Variants in ANO3 observed in about 807,000 individuals in gnomAD.
ANO3 encodes the protein anoctamin-3.
Under a neutral mutation model 144.8 loss-of-function variants are expected in ANO3, and 99 were observed. The observed-to-expected ratio is 0.68, with a 90% CI of 0.58 to 0.81. The LOEUF (loss-of-function observed/expected upper bound fraction) is 0.81. ANO3 is among the 30% of genes least tolerant of loss of function. The probability of loss-of-function intolerance (pLI) is 0.00; values close to 1 mark genes in which losing one functional copy is unlikely to be tolerated. For missense variants in ANO3, 905 were observed against 1,202.2 expected (o/e 0.75, Z 3.66); for synonymous variants, 414 against 392.6 (o/e 1.05, Z -0.64).
chr11:26,359,587 T>C (rs771055043), intron 1 of ANO3, among the ~76,000 whole-genome samples: 72 of 150,974 alleles, frequency 4.8e-4, no homozygotes, highest in Admixed American at 2.3e-3. Flanking sequence ...CTGGTAACTC[T>C]ATCCTGCAAA....
At chr11:26,481,275 G>A (rs1390184038) in intron 4 of ANO3, among the ~76,000 whole-genome samples, 1 of 152,094 alleles carries the variant, frequency 6.6e-6, no homozygotes, top group Non-Finnish European at 1.5e-5. Context: ...GGAAAGGAGA[G>A]ATGATAAAAA....
intron 4 of ANO3, among the ~76,000 whole-genome samples, chr11:26,499,936 C>A (rs1354844479): frequency 6.6e-6 from 1 of 151,844 alleles, no homozygotes; most frequent in African/African-American, 2.4e-5. Flanking sequence ...AGAAAGAAAC[C>A]CTGTACCTGT....
rs377447870 is a variant in ANO3 at position 26,297,184 on chromosome 11, CGTGT to C, written c.155-12437_155-12434del. On this transcript the variant is annotated intron_variant, in intron 1 of 27. Coordinates refer to the ANO3 transcript ENST00000672621. ...ACATCCCAAGCTGCATCAACCATTG[CGTGT>C]GTGTGTGTGTGTGTGTGTGTGTGAA... Among the ~76,000 whole-genome samples, 48 of 146,414 alleles carry C rather than the reference CGTGT, an allele frequency of 3.3e-4. No homozygotes were observed. The South Asian group carries it at 4.2e-3, about 13-fold the overall frequency.
intron 1 of ANO3, among the ~76,000 whole-genome samples, chr11:26,356,448 C>T (rs1278096831): frequency 6.6e-6 from 1 of 152,174 alleles, no homozygotes; most frequent in Non-Finnish European, 1.5e-5. Flanking sequence ...ATGCTTCTGT[C>T]ACTATAGATT....
chr11:26,596,045 T>C (rs775270264), intron 14 of ANO3, among the ~76,000 whole-genome samples: 5 of 152,226 alleles, frequency 3.3e-5, no homozygotes, highest in Non-Finnish European at 7.3e-5. Flanking sequence ...CTTGTTTACA[T>C]TGACAACAAG....
At chr11:26,620,007 T>C (rs1852370509) in intron 17 of ANO3, among the ~76,000 whole-genome samples, 1 of 152,198 alleles carries the variant, frequency 6.6e-6, no homozygotes, top group East Asian at 1.9e-4. Context: ...AACATCAATG[T>C]ATTATTTTTA....
intron 1 of ANO3, among the ~76,000 whole-genome samples, chr11:26,392,992 T>C (rs1176294932): frequency 6.6e-6 from 1 of 152,152 alleles, no homozygotes. Flanking sequence ...CTAAATCCAG[T>C]ATCCATATCT....
chr11:26,384,905 C>T (rs1856683989), intron 1 of ANO3, among the ~76,000 whole-genome samples: 1 of 152,142 alleles, frequency 6.6e-6, no homozygotes, highest in African/African-American at 2.4e-5. Flanking sequence ...GAACATTTAC[C>T]TTGGCAATTC....
chr11:26,504,870 G>A (rs1861355489), intron 4 of ANO3, among the ~76,000 whole-genome samples: 1 of 151,948 alleles, frequency 6.6e-6, no homozygotes, highest in East Asian at 1.9e-4. Context: ...AAATTAGCCG[G>A]GCGTGGTGGC....
At position 26,263,268 on chromosome 11, in the gene ANO3, T is replaced by C. The variant is rs1298661358; in HGVS notation, c.155-46377T>C. 1.3e-5 allele frequency among the ~76,000 whole-genome samples: 2 copies of C among 152,216 alleles called. 1 individual carries two copies. The highest frequency in any genetic ancestry group is 3.8e-4 in the East Asian group (2 of 5,200). ...AATGAGTCAAATTAACCAGTCTTTC[T>C]TGCCTTCAGGACTCTGCAGGAACTA... On this transcript the variant is annotated intron_variant, in intron 1 of 27. Coordinates refer to the ANO3 transcript ENST00000672621.
chr11:26,352,949 C>G (rs1855685590), intron 1 of ANO3, among the ~76,000 whole-genome samples: 1 of 152,164 alleles, frequency 6.6e-6, no homozygotes. Flanking sequence ...ACTCGACCCC[C>G]TCTTGACACC....
At chr11:26,643,628 G>C (rs1853243348) in intron 23 of ANO3, among the ~76,000 whole-genome samples, 1 of 151,962 alleles carries the variant, frequency 6.6e-6, no homozygotes, top group South Asian at 2.1e-4. Flanking sequence ...GGTGGTGGGT[G>C]CCTGTAATCC....
intron 14 of ANO3, among the ~76,000 whole-genome samples, chr11:26,569,465 G>A (rs1410063593): frequency 6.6e-6 from 1 of 152,032 alleles, no homozygotes; most frequent in East Asian, 1.9e-4. Context: ...GCCAGGTTAC[G>A]CCACTTACTC....
At position 26,406,475 on chromosome 11, in the gene ANO3, A is replaced by G. The variant is rs373723499; in HGVS notation, c.47-35443A>G. On this transcript the variant is annotated intron_variant, in intron 1 of 26. Transcript: ENST00000256737. The stretch of plus-strand genomic sequence containing the variant: ...ACTGGGAACTCCATTTTATATTTCT[A>G]TAGAATTTTTATCAGAGAATCAAAA... 2.0e-5 allele frequency among the ~76,000 whole-genome samples: 3 copies of G among 151,980 alleles called. No homozygotes were observed. The East Asian group carries it at 5.8e-4, about 30-fold the overall frequency.
chr11:26,206,589 G>A (rs939158535), intron 1 of ANO3, among the ~76,000 whole-genome samples: 1 of 152,092 alleles, frequency 6.6e-6, no homozygotes, highest in Non-Finnish European at 1.5e-5. Flanking sequence ...TTAAGTCTGT[G>A]ATACAAAGCT....
chr11:26,441,981 T>C lies in ANO3; in HGVS notation c.110T>C (p.Leu37Pro). ...ETSLKPSRRSLPCLAQSYAYS... is the reference protein window; with the variant it reads ...ETSLKPSRRSPPCLAQSYAYS... ...TCGTTAAAACCGTCTCGGAGATCCCTGCCTTGCCTCGCCCAGAGCTACGCT... is the reference window on the plus strand; with the variant it reads ...TCGTTAAAACCGTCTCGGAGATCCCCGCCTTGCCTCGCCCAGAGCTACGCT... The change falls in exon 2 of 27, where the codon CTG (leucine) becomes CCG (proline). Residue 37 changes from leucine (L) to proline (P), a missense_variant. Physicochemically the swap from Leu to Pro is moderately conservative, Grantham distance 98 (BLOSUM62 -3). Coordinates refer to ENST00000256737, the MANE Select transcript of ANO3 (RefSeq NM_031418.4). 2 of 1,614,196 alleles carry C rather than the reference T, an allele frequency of 1.2e-6. No individual in the cohort carries two copies. The highest frequency in any genetic ancestry group is 1.7e-6 in the Non-Finnish European group (2 of 1,180,016).
intron 1 of ANO3, among the ~76,000 whole-genome samples, chr11:26,346,654 A>C (rs1342479150): frequency 6.6e-6 from 1 of 152,222 alleles, no homozygotes; most frequent in Non-Finnish European, 1.5e-5. Flanking sequence ...CCCAAAGCCC[A>C]GTGCTTTTGG....
intron 1 of ANO3, among the ~76,000 whole-genome samples, chr11:26,218,770 A>C (rs987138943): frequency 6.6e-6 from 1 of 152,194 alleles, no homozygotes; most frequent in African/African-American, 2.4e-5. Context: ...AAGGGAAAAA[A>C]TATAAAAGCC....
chr11:26,374,775 G>T (rs1015104065), intron 1 of ANO3, among the ~76,000 whole-genome samples: 4 of 152,126 alleles, frequency 2.6e-5, no homozygotes, highest in African/African-American at 9.7e-5. Context: ...AGACAGTCTT[G>T]CTCTGTCACC....
Sources: gnomAD v4.1 joint callset for allele counts (sites outside exome capture counted in the v4.1 genomes callset) on GRCh38, gnomAD v4.1.1 for gene constraint, MANE v1.5 for transcripts, NCBI Gene and HGNC (gene_info 2026-07-23, HGNC 2026-07-21) for gene names.